The following ASB11 variants were observed in gnomAD, a reference collection of about 807,000 sequenced individuals.
The protein encoded by ASB11 is ankyrin repeat and SOCS box protein 11.
ASB11 carries 17 observed loss-of-function variants against 20.1 expected under a neutral mutation model. That is an observed-to-expected ratio of 0.85 (90% CI 0.58 to 1.27). The LOEUF is 1.27. Ranked by LOEUF, ASB11 falls within the 50% of genes most tolerant of loss-of-function variation. The probability of loss-of-function intolerance (pLI) is 0.00; values close to 1 mark genes in which losing one functional copy is unlikely to be tolerated. For synonymous variants in ASB11, 107 were observed against 105.6 expected, an observed-to-expected ratio of 1.01 and a Z score of -0.08; for missense variants, 259 against 256.9, an observed-to-expected ratio of 1.01 and a Z score of -0.06.
chrX:15,306,738 C>G (rs763458142), intron 1 of ASB11, among the ~76,000 whole-genome samples: 10 of 110,578 alleles, frequency 9.0e-5, no homozygotes, highest in Non-Finnish European at 1.7e-4. Context: ...AACAACAACT[C>G]TTTGGATATT....
Position 15,297,650 on chromosome X carries a change from C to G in ASB11, c.293G>C (p.Arg98Pro). The G allele has an allele frequency of 1.7e-6, 2 of 1,210,049 alleles. No individual in the cohort carries two copies. Among genetic ancestry groups the G allele is most frequent in the Non-Finnish European group, 2.2e-6 (2 of 894,409 alleles). The change falls in exon 3 of 7, where the codon CGG becomes CCG. Residue 98 changes from arginine to proline, a missense_variant. By Grantham distance (103) the Arg-to-Pro change is moderately radical (BLOSUM62 -2). Coordinates refer to ENST00000480796, the MANE Select transcript of ASB11 (RefSeq NM_080873.3). ...GVNVNLVTIN[R>P]VSSLHEACLG... The stretch of plus-strand genomic sequence containing the variant: ...GCATGCCTCGTGGAGAGAAGACACC[C>G]GGTTAATTGTCACAAGGTTCACATT...
chrX:15,289,369 G>A (rs5935929), intron 5 of ASB11, 135 bp downstream of exon 5: 272,590 of 660,160 alleles, frequency 0.41, 41,587 homozygotes, highest in South Asian at 0.57. Flanking sequence ...TTTCTCTAGA[G>A]AAGTTTTGTT....
chrX:15,291,757 C>T (rs1428403117), intron 4 of ASB11, among the ~76,000 whole-genome samples: 1 of 108,180 alleles, frequency 9.2e-6, no homozygotes, highest in African/African-American at 3.4e-5. Context: ...ACTTATATGG[C>T]TGAGCACGGT....
At chrX:15,311,787 C>T (rs1415796339) in intron 1 of ASB11, among the ~76,000 whole-genome samples, 1 of 110,723 alleles carries the variant, frequency 9.0e-6, no homozygotes, top group Non-Finnish European at 1.9e-5. Flanking sequence ...CAAAGCATGG[C>T]CAGGACTTAG....
At chrX:15,297,520 C>T (rs1382297715) in intron 3 of ASB11, 54 bp downstream of exon 3, 4 of 988,224 alleles carry the variant, frequency 4.0e-6, no homozygotes, top group East Asian at 6.5e-5. Flanking sequence ...TATCATTAAA[C>T]ATTAACAGAT....
Position 15,287,906 on chromosome X carries a change from C to T in ASB11, c.822G>A (p.Val274=), listed in dbSNP as rs775320558. ...CTTCACGGAGCAAGAGTGCCTGCTC[C>T]ACGCTGCTTTTTGGAGCCGCCAGAT... is the stretch of plus-strand genomic sequence containing the variant. The part of the protein sequence containing the change: ...ALDLAAPKSS[V]EQALLLREGP... The change falls in exon 6 of 7, where the codon GTG becomes GTA. Residue 274 remains valine, a synonymous_variant. Transcript: ENST00000480796. 6.6e-6 allele frequency: 8 copies of T among 1,210,011 alleles called. No homozygotes were observed. The South Asian group carries it at 1.4e-4, about 21-fold the overall frequency.
chrX:15,283,769 T>C, intron 6 of ASB11, 140 bp from the exon 7 acceptor site: 2 of 653,965 alleles, frequency 3.1e-6, no homozygotes, highest in Non-Finnish European at 4.5e-6. Context: ...TAGAATGAGG[T>C]AGCGGACACT....
Position 15,315,462 on chromosome X carries a change from C to T in ASB11, c.144G>A (p.Ala48=), listed in dbSNP as rs143402682. Residue 48 remains alanine, a synonymous_variant, in exon 1 of 7, where the codon GCG becomes GCA. Transcript: ENST00000480796. ...CATAGATCTCTTCTGCTATCCTAGC[C>T]GCTTCTTTTCTATTTCCTTTGACGA... ...FYIVKGNRKE[A]ARIAEEIYGG... The T allele has an allele frequency of 2.4e-4, 280 of 1,150,375 alleles. No individual in the cohort carries two copies. The highest frequency in any genetic ancestry group is 1.1e-3 in the South Asian group (48 of 45,407). The allele number at this position is 1,150,375 out of a possible 1,213,427, so 94.8% of individuals were successfully genotyped here.
chrX:15,296,313 AG>A lies in ASB11; in HGVS notation c.369+1260del, dbSNP rs1271643812. Among the ~76,000 whole-genome samples, 4 of 111,464 alleles carry A rather than the reference AG, an allele frequency of 3.6e-5. No individual in the cohort carries two copies. In the East Asian group the frequency reaches 1.1e-3, roughly 31 times the overall value. On this transcript the variant is annotated intron_variant, in intron 3 of 6. Transcript: ENST00000480796. Reference sequence around the variant, plus strand: ...GAAAATGCACGACCACAATGGCATCAGGAAAATTAGTTTTCACAAGGAAGAC... The same window carrying A: ...GAAAATGCACGACCACAATGGCATCAGAAAATTAGTTTTCACAAGGAAGAC...
At chrX:15,283,703 G>A in intron 6 of ASB11, 74 bp from the exon 7 acceptor site, 1 of 1,114,593 alleles carries the variant, frequency 9.0e-7, no homozygotes, top group South Asian at 1.9e-5. Flanking sequence ...TCAGAGAACT[G>A]GAAGAGGCGG....
chrX:15,297,455 G>A, intron 3 of ASB11, 119 bp downstream of exon 3: 1 of 523,222 alleles, frequency 1.9e-6, no homozygotes. Flanking sequence ...ATACGGACAT[G>A]GATAGAACCA....
At chrX:15,314,163 A>G (rs1471499143) in intron 1 of ASB11, among the ~76,000 whole-genome samples, 1 of 110,574 alleles carries the variant, frequency 9.0e-6, no homozygotes, top group Non-Finnish European at 1.9e-5. Context: ...TCTTGCCAAT[A>G]TTGACTTTGT....
At chrX:15,287,210 G>C (rs1355692789) in intron 6 of ASB11, among the ~76,000 whole-genome samples, 1 of 112,739 alleles carries the variant, frequency 8.9e-6, no homozygotes, top group Middle Eastern at 4.6e-3. Flanking sequence ...CAAGTCTTTT[G>C]AATTTGCCAT....
intron 4 of ASB11, among the ~76,000 whole-genome samples, 176 bp downstream of exon 4, chrX:15,292,994 G>T (rs1334858715): frequency 3.6e-5 from 4 of 112,125 alleles, no homozygotes; most frequent in Non-Finnish European, 7.5e-5. Flanking sequence ...TGCCACACTG[G>T]TATTTCCTGA....
chrX:15,295,334 C>T (rs1408972793), intron 3 of ASB11, among the ~76,000 whole-genome samples: 1 of 111,768 alleles, frequency 8.9e-6, no homozygotes, highest in Non-Finnish European at 1.9e-5. Flanking sequence ...AGCCACTGTG[C>T]CTGGCCAAAA....
At chrX:15,284,104 T>C (rs1191023484) in intron 6 of ASB11, among the ~76,000 whole-genome samples, 9 of 106,200 alleles carry the variant, frequency 8.5e-5, no homozygotes, top group Non-Finnish European at 1.2e-4. Flanking sequence ...TACAAAAAAT[T>C]AGCCGGGTGT....
rs1025419179 is a variant in ASB11, at chrX:15,315,622, T to C, written c.-17A>G. 2.2e-5 allele frequency: 25 copies of C among 1,112,652 alleles called. No homozygotes were observed. Among genetic ancestry groups the C allele is most frequent in the Non-Finnish European group, 2.7e-5 (23 of 838,436 alleles). 91.7% of individuals were successfully genotyped at this position (1,112,652 alleles called of 1,213,427 possible). Reference sequence around the variant, plus strand: ...ATCTTCCATTTTGGCTTATGCTCTGTATAGGGTCCTAGGACTGTAAAATTT... The same window carrying C: ...ATCTTCCATTTTGGCTTATGCTCTGCATAGGGTCCTAGGACTGTAAAATTT... On this transcript the variant is annotated 5_prime_UTR_variant, in exon 1 of 7. It adds an upstream start codon to the 5' untranslated region. Transcript: ENST00000480796.
At chrX:15,283,978 C>A (rs1011287908) in intron 6 of ASB11, among the ~76,000 whole-genome samples, 1 of 111,189 alleles carries the variant, frequency 9.0e-6, no homozygotes, top group African/African-American at 3.3e-5. Context: ...CGGGGCCAGG[C>A]ACGGTGGCTC....
intron 2 of ASB11, among the ~76,000 whole-genome samples, chrX:15,299,382 T>A (rs1921002858): frequency 8.9e-6 from 1 of 111,939 alleles, no homozygotes; most frequent in Non-Finnish European, 1.9e-5. Flanking sequence ...CTCCAGATTA[T>A]AGACAGATTG....
Sources: allele counts gnomAD v4.1 joint callset (sites outside exome capture counted in the v4.1 genomes callset), GRCh38; gene constraint gnomAD v4.1.1; transcripts MANE v1.5; gene names NCBI Gene and HGNC (gene_info 2026-07-23, HGNC 2026-07-21).